Variants in SDHAF3 observed in about 807,000 individuals in gnomAD.
The protein encoded by SDHAF3 is succinate dehydrogenase complex assembly factor 3.
SDHAF3 carries 18 observed loss-of-function variants against 11.5 expected under a neutral mutation model. That is an observed-to-expected ratio of 1.56 (90% confidence interval 1.08 to 2.32). SDHAF3 has a LOEUF of 2.32. Ranked by LOEUF, SDHAF3 falls within the 30% of genes most tolerant of loss-of-function variation. SDHAF3 has a pLI of 0.00. For synonymous variants in SDHAF3, 72 were observed against 59.3 expected, an observed-to-expected ratio of 1.21 and a Z score of -0.99; for missense variants, 200 against 154.4, an observed-to-expected ratio of 1.30 and a Z score of -1.57.
At chr7:97,180,766 T>C (rs1343748151) in intron 1 of SDHAF3, among the ~76,000 whole-genome samples, 1 of 152,180 alleles carries the variant, frequency 6.6e-6, no homozygotes, top group Admixed American at 6.6e-5. Context: ...GACTCACCAC[T>C]CTTTACTTAT....
chr7:97,134,202 G>C (rs1162624501), intron 1 of SDHAF3, among the ~76,000 whole-genome samples: 1 of 152,216 alleles, frequency 6.6e-6, no homozygotes, highest in East Asian at 1.9e-4. Context: ...TGCAGCCTCA[G>C]TGAATCTGGC....
At chr7:97,121,141 A>G (rs2115610835) in intron 1 of SDHAF3, among the ~76,000 whole-genome samples, 1 of 152,344 alleles carries the variant, frequency 6.6e-6, no homozygotes, top group Non-Finnish European at 1.5e-5. Context: ...CTTAGGAGGT[A>G]ACTATTAGAA....
intron 1 of SDHAF3, among the ~76,000 whole-genome samples, chr7:97,141,364 C>G (rs1789037665): frequency 6.6e-6 from 1 of 152,118 alleles, no homozygotes; most frequent in African/African-American, 2.4e-5. Context: ...ACACTCCCTC[C>G]CCTTTTGAAA....
At chr7:97,179,372 G>T (rs188327820) in intron 1 of SDHAF3, among the ~76,000 whole-genome samples, 1 of 152,050 alleles carries the variant, frequency 6.6e-6, no homozygotes, top group East Asian at 1.9e-4. Context: ...AGTTTCATCC[G>T]TGTTGATACA....
At position 97,117,896 on chromosome 7, in the gene SDHAF3, A is replaced by G; in HGVS notation, c.173A>G (p.Glu58Gly). ...DEAQRFLQEW[E>G]VYATALLQQA... ...GCACAGCGTTTCTTGCAAGAATGGG[A>G]GGCAAGTGACGCTCCCTTCTCTTTG... Residue 58 changes from glutamate (E) to glycine (G), a missense_variant and splice_region_variant, in exon 1 of 2, where the codon GAG (glutamate) becomes GGG (glycine). Coordinates refer to ENST00000432641, the MANE Select transcript of SDHAF3 (RefSeq NM_020186.3). 3.7e-6 allele frequency: 6 copies of G among 1,613,914 alleles called. No individual in the cohort carries two copies. Among genetic ancestry groups the G allele is most frequent in the Non-Finnish European group, 5.1e-6 (6 of 1,179,838 alleles).
chr7:97,168,726 A>G (rs1207725377), intron 1 of SDHAF3, among the ~76,000 whole-genome samples: 1 of 152,194 alleles, frequency 6.6e-6, no homozygotes, highest in Non-Finnish European at 1.5e-5. Context: ...GAGGTTTCAT[A>G]CACTTGGCTT....
At chr7:97,149,616 T>C (rs1789188047) in intron 1 of SDHAF3, among the ~76,000 whole-genome samples, 1 of 152,228 alleles carries the variant, frequency 6.6e-6, no homozygotes, top group Admixed American at 6.5e-5. Flanking sequence ...AGCATTGTCT[T>C]AAAATAGAAT....
rs557713486 is a variant in SDHAF3, at chr7:97,181,385, G to GA, written c.*177dup. On this transcript the variant is annotated 3_prime_UTR_variant, in exon 2 of 2. Transcript: ENST00000432641. The stretch of plus-strand genomic sequence containing the variant: ...TGGATCAAGATCACTAGTGACAATT[G>GA]AAAAAAACTATTGGAATAATAGCAC... 1.8e-5 allele frequency: 9 copies of GA among 495,520 alleles called. No individual in the cohort carries two copies. The highest frequency in any genetic ancestry group is 2.8e-5 in the Non-Finnish European group (8 of 286,046). The allele number at this position is 495,520 out of a possible 1,614,324, so 30.7% of individuals were successfully genotyped here.
intron 1 of SDHAF3, among the ~76,000 whole-genome samples, chr7:97,146,989 C>T (rs1240363282): frequency 2.0e-5 from 3 of 152,158 alleles, no homozygotes; most frequent in Admixed American, 6.5e-5. Context: ...GATCCACCCA[C>T]CTCAGCCTTC....
chr7:97,174,720 C>T lies in SDHAF3; in HGVS notation c.175-6292C>T, dbSNP rs1173315424. Among the ~76,000 whole-genome samples, 4 of 152,072 alleles carry T rather than the reference C, an allele frequency of 2.6e-5. No individual in the cohort carries two copies. In the East Asian group the frequency reaches 5.8e-4, roughly 22 times the overall value. ...TGTGCATTATTGGGAAGAATACCAC[C>T]GAGGTGATACATCCTCTCAGTGCCT... On this transcript the variant is annotated intron_variant, in intron 1 of 1. Coordinates refer to ENST00000432641, the MANE Select transcript of SDHAF3 (RefSeq NM_020186.3).
intron 1 of SDHAF3, among the ~76,000 whole-genome samples, chr7:97,171,205 A>AACTTACTT (rs56012708): frequency 6.6e-6 from 1 of 151,330 alleles, no homozygotes; most frequent in Non-Finnish European, 1.5e-5. Context: ...AAATGCTCCC[A>AACTTACTT]ACTTAGGTTT....
At chr7:97,166,671 C>A (rs548307460) in intron 1 of SDHAF3, among the ~76,000 whole-genome samples, 2 of 152,248 alleles carry the variant, frequency 1.3e-5, no homozygotes, top group East Asian at 3.9e-4. Context: ...ACCACCCTTT[C>A]CCATCATGGC....
chr7:97,169,464 G>A (rs1789570279), intron 1 of SDHAF3, among the ~76,000 whole-genome samples: 1 of 152,078 alleles, frequency 6.6e-6, no homozygotes, highest in Non-Finnish European at 1.5e-5. Flanking sequence ...AGATTCCTTT[G>A]GAGAGTAAGA....
intron 1 of SDHAF3, among the ~76,000 whole-genome samples, chr7:97,170,864 CAA>C (rs1215345750): frequency 6.6e-6 from 1 of 152,060 alleles, no homozygotes; most frequent in Non-Finnish European, 1.5e-5. Flanking sequence ...CTCTGTATAT[CAA>C]AGAGTTATAT....
intron 1 of SDHAF3, among the ~76,000 whole-genome samples, chr7:97,139,039 C>A (rs1037339535): frequency 7.9e-5 from 12 of 152,264 alleles, no homozygotes; most frequent in Non-Finnish European, 1.6e-4. Context: ...GCCCTGCTCC[C>A]AGCAGTGCCT....
At chr7:97,140,391 G>T (rs570313873) in intron 1 of SDHAF3, among the ~76,000 whole-genome samples, 1 of 137,366 alleles carries the variant, frequency 7.3e-6, no homozygotes, top group Non-Finnish European at 1.5e-5. Flanking sequence ...TGTCACCCAG[G>T]CTAGAGGGCA....
chr7:97,132,754 G>A (rs1424805549), intron 1 of SDHAF3, among the ~76,000 whole-genome samples: 1 of 152,126 alleles, frequency 6.6e-6, no homozygotes, highest in African/African-American at 2.4e-5. Context: ...AGGGAGGGTG[G>A]AAGACAGGTA....
rs530305019 is a variant in SDHAF3 at position 97,132,773 on chromosome 7, C to G, written c.174+14876C>G. On this transcript the variant is annotated intron_variant, in intron 1 of 1. Coordinates refer to ENST00000432641, the MANE Select transcript of SDHAF3 (RefSeq NM_020186.3). ...AGGGTGGAAGACAGGTAAATAGGCT[C>G]CCCTTGGCTTAGAAACCAGTAGGCT... Among the ~76,000 whole-genome samples the G allele has an allele frequency of 2.5e-3, 375 of 152,180 alleles. 1 individual carries two copies. Among genetic ancestry groups the G allele is most frequent in the African/African-American group, 8.9e-3 (368 of 41,518 alleles).
chr7:97,159,779 T>G (rs1789370818), intron 1 of SDHAF3, among the ~76,000 whole-genome samples: 1 of 152,198 alleles, frequency 6.6e-6, no homozygotes, highest in Non-Finnish European at 1.5e-5. Context: ...TTTAGTTCTT[T>G]TTTTCTTGAC....
Sources: allele counts gnomAD v4.1 joint callset (sites outside exome capture counted in the v4.1 genomes callset), GRCh38; gene constraint gnomAD v4.1.1; transcripts MANE v1.5; gene names NCBI Gene and HGNC (gene_info 2026-07-23, HGNC 2026-07-21).